THRB: variants seen among roughly 807,000 people sequenced by gnomAD.
THRB encodes the protein nuclear receptor subfamily 1 group A member 2.
THRB carries 12 observed loss-of-function variants against 47.8 expected under a neutral mutation model. The observed-to-expected ratio is 0.25, with a 90% confidence interval of 0.16 to 0.41. The LOEUF (loss-of-function observed/expected upper bound fraction) is 0.41. THRB is among the 10% of genes least tolerant of loss of function. THRB has a pLI of 1.00. For synonymous variants in THRB, 218 were observed against 212.2 expected, an observed-to-expected ratio of 1.03 and a Z score of -0.24; for missense variants, 348 against 589.2, an observed-to-expected ratio of 0.59 and a Z score of 4.24.
At chr3:24,189,306 C>G (rs2043037505) in intron 5 of THRB, among the ~76,000 whole-genome samples, 1 of 151,770 alleles carries the variant, frequency 6.6e-6, no homozygotes, top group Non-Finnish European at 1.5e-5. Context: ...AACCACTAAA[C>G]TGAAAAAGAA....
intron 1 of THRB, among the ~76,000 whole-genome samples, chr3:24,370,590 C>T (rs1020785076): frequency 3.9e-5 from 6 of 152,066 alleles, no homozygotes; most frequent in Non-Finnish European, 7.4e-5. Flanking sequence ...CAATGCTCCA[C>T]TATTTCAGAA....
chr3:24,143,354 G>A, intron 8 of THRB, 147 bp downstream of exon 8: 1 of 799,090 alleles, frequency 1.3e-6, no homozygotes, highest in Non-Finnish European at 2.1e-6. Flanking sequence ...TCCTAGCTTT[G>A]CAAGTTACTC....
intron 1 of THRB, among the ~76,000 whole-genome samples, chr3:24,490,538 C>G (rs995636436): frequency 2.0e-5 from 3 of 152,168 alleles, no homozygotes; most frequent in African/African-American, 7.2e-5. Flanking sequence ...AATAAACCCA[C>G]ACATCGTGCC....
intron 1 of THRB, among the ~76,000 whole-genome samples, chr3:24,364,828 T>A (rs1354209000): frequency 6.6e-6 from 1 of 152,172 alleles, no homozygotes; most frequent in East Asian, 1.9e-4. Context: ...CTTCTCCTAA[T>A]GAGGATATTT....
chr3:24,399,772 C>T lies in THRB; in HGVS notation c.-260-62401G>A, dbSNP rs551980370. ...AAATTAAATGACTTGTCTAAGGTCA[C>T]GCATTGAATACAGAGCCAGAACCAT... On this transcript the variant is annotated intron_variant, in intron 1 of 10. Transcript: ENST00000646209. Among the ~76,000 whole-genome samples, 7 of 152,170 alleles carry T rather than the reference C, an allele frequency of 4.6e-5. No homozygotes were observed. The East Asian group carries it at 7.8e-4, about 17-fold the overall frequency.
intron 4 of THRB, among the ~76,000 whole-genome samples, chr3:24,193,931 A>G (rs1165572217): frequency 2.6e-5 from 4 of 152,246 alleles, no homozygotes; most frequent in African/African-American, 9.6e-5. Flanking sequence ...ACACCATGGA[A>G]TACTACTCAG....
At chr3:24,252,813 G>C (rs2050799327) in intron 3 of THRB, among the ~76,000 whole-genome samples, 1 of 152,040 alleles carries the variant, frequency 6.6e-6, no homozygotes, top group African/African-American at 2.4e-5. Context: ...GTGCATAGCA[G>C]TGTACACGGT....
intron 4 of THRB, among the ~76,000 whole-genome samples, chr3:24,196,299 T>A (rs1300856323): frequency 6.6e-6 from 1 of 152,070 alleles, no homozygotes; most frequent in Admixed American, 6.6e-5. Flanking sequence ...TCCCTTATAT[T>A]TCTTGGTAGC....
intron 5 of THRB, among the ~76,000 whole-genome samples, chr3:24,159,914 TATATA>T (rs1347668414): frequency 6.6e-6 from 1 of 152,196 alleles, no homozygotes; most frequent in Non-Finnish European, 1.5e-5. Flanking sequence ...ATATACTTTA[TATATA>T]ATATATTACT....
chr3:24,281,172 A>C (rs2054553239), intron 3 of THRB, among the ~76,000 whole-genome samples: 1 of 152,196 alleles, frequency 6.6e-6, no homozygotes, highest in Non-Finnish European at 1.5e-5. Context: ...AAAAAATGTT[A>C]AGGGCAGCCA....
intron 1 of THRB, among the ~76,000 whole-genome samples, chr3:24,363,604 T>A (rs1028726386): frequency 3.3e-5 from 5 of 152,074 alleles, no homozygotes; most frequent in African/African-American, 7.2e-5. Context: ...TCAAAAAAAA[T>A]TTTTCAAACA....
At chr3:24,394,238 T>C (rs891449272) in intron 1 of THRB, among the ~76,000 whole-genome samples, 1 of 152,100 alleles carries the variant, frequency 6.6e-6, no homozygotes, top group Non-Finnish European at 1.5e-5. Flanking sequence ...AGTTTCAACA[T>C]AGTCTCTTAG....
rs149311200 is a variant in THRB at position 24,428,771 on chromosome 3, C to T, written c.-261+65881G>A. Among the ~76,000 whole-genome samples the T allele has an allele frequency of 5.5e-3, 834 of 151,926 alleles. 3 individuals are homozygous for T. The highest frequency in any genetic ancestry group is 0.013 in the Admixed American group (191 of 15,234). ...ACAAAGAGGAAGAGAAACAATGTCT[C>T]TCCTTGTTTCTTTTGTAATTTTCAT... On this transcript the variant is annotated intron_variant, in intron 1 of 10. Transcript: ENST00000646209.
intron 5 of THRB, among the ~76,000 whole-genome samples, chr3:24,167,344 AG>A (rs541798080): frequency 1.3e-3 from 194 of 152,340 alleles, no homozygotes; most frequent in African/African-American, 4.6e-3. Flanking sequence ...TAAGGAATAA[AG>A]AACACAGCTA....
chr3:24,267,965 A>AG (rs2052838521), intron 3 of THRB, among the ~76,000 whole-genome samples: 1 of 152,224 alleles, frequency 6.6e-6, no homozygotes, highest in East Asian at 1.9e-4. Context: ...TATGAATTTC[A>AG]GGGTCAAGAA....
In THRB at chr3:24,253,903, A is replaced by G. The variant is rs139463034; in HGVS notation, c.-42-24902T>C. ...CTATGCATGTTTTCCATGTCTTCAAACGTTTCTGGAACTCCTCACCGAGAG... is the reference window on the plus strand; with the variant it reads ...CTATGCATGTTTTCCATGTCTTCAAGCGTTTCTGGAACTCCTCACCGAGAG... On this transcript the variant is annotated intron_variant, in intron 3 of 10. Coordinates refer to ENST00000646209, the MANE Select transcript of THRB (RefSeq NM_001354712.2). Among the ~76,000 whole-genome samples the G allele has an allele frequency of 4.0e-5, 6 of 151,662 alleles. No homozygotes were observed. In the East Asian group the frequency reaches 9.7e-4, roughly 25 times the overall value.
chr3:24,487,102 C>T (rs1306754731), intron 1 of THRB, among the ~76,000 whole-genome samples: 1 of 152,132 alleles, frequency 6.6e-6, no homozygotes, highest in Non-Finnish European at 1.5e-5. Context: ...TTGCAAAACA[C>T]TTCAACAACA....
intron 4 of THRB, among the ~76,000 whole-genome samples, chr3:24,215,063 C>G (rs778203457): frequency 3.9e-5 from 6 of 152,192 alleles, no homozygotes; most frequent in Non-Finnish European, 7.3e-5. Context: ...TCTAGAATTT[C>G]TAGGGATGAA....
At chr3:24,473,635 C>T (rs2125790664) in intron 1 of THRB, among the ~76,000 whole-genome samples, 1 of 152,306 alleles carries the variant, frequency 6.6e-6, no homozygotes, top group East Asian at 1.9e-4. Flanking sequence ...AAGACACATG[C>T]ACACATATGT....
Sources: allele counts gnomAD v4.1 joint callset (sites outside exome capture counted in the v4.1 genomes callset), GRCh38; gene constraint gnomAD v4.1.1; transcripts MANE v1.5; gene names NCBI Gene and HGNC (gene_info 2026-07-23, HGNC 2026-07-21).